The following PRIMPOL variants were observed in gnomAD, a reference collection of about 807,000 sequenced individuals.
PRIMPOL encodes primase and DNA directed polymerase, also known as DNA-directed primase/polymerase protein.
A neutral mutation model predicts 63.6 loss-of-function variants in PRIMPOL; 54 were observed. The observed-to-expected ratio is 0.85, with a 90% CI of 0.68 to 1.07. The LOEUF (loss-of-function observed/expected upper bound fraction) is 1.07, where lower values mean the gene tolerates loss of function less well. Among genes scored for constraint, PRIMPOL ranks in the 50% least tolerant of loss-of-function variants. The probability of loss-of-function intolerance (pLI) is 0.00; values close to 1 mark genes in which losing one functional copy is unlikely to be tolerated. For synonymous variants in PRIMPOL, 197 were observed against 220.2 expected (o/e 0.89, Z 0.93); for missense variants, 610 against 648.3 (o/e 0.94, Z 0.64).
intron 11 of PRIMPOL, among the ~76,000 whole-genome samples, chr4:184,690,435 A>C (rs539152365): frequency 3.3e-5 from 5 of 151,858 alleles, no homozygotes; most frequent in Non-Finnish European, 7.4e-5. Context: ...TCTCTTTATG[A>C]CTGCCTGCCT....
intron 6 of PRIMPOL, among the ~76,000 whole-genome samples, chr4:184,669,565 A>G (rs972189927): frequency 2.1e-4 from 32 of 152,248 alleles, no homozygotes; most frequent in African/African-American, 6.5e-4. Context: ...TCTCTTGCTC[A>G]GGAAGAAGGA....
chr4:184,665,770 G>T, intron 5 of PRIMPOL, 147 bp from the exon 6 acceptor site: 1 of 458,652 alleles, frequency 2.2e-6, no homozygotes, highest in Non-Finnish European at 3.7e-6. Context: ...CTCCCAAAGT[G>T]CTGGGATTAC....
rs184753574 is a variant in PRIMPOL at position 184,667,047 on chromosome 4, G to A, written c.556+983G>A. 2.7e-3 allele frequency among the ~76,000 whole-genome samples: 408 copies of A among 152,300 alleles called. 4 individuals are homozygous for A. Among genetic ancestry groups the A allele is most frequent in the African/African-American group, 8.4e-3 (351 of 41,566 alleles). On this transcript the variant is annotated intron_variant, in intron 6 of 13. Transcript: ENST00000314970. ...GGTAATTCAGTTCAGAGCTGCTAGC[G>A]TCTTAGAGTTTCACGGCCACCTAGA...
rs796303917 is a variant in PRIMPOL, at chr4:184,689,222, G to A, written c.1296-2277G>A. On this transcript the variant is annotated intron_variant, in intron 11 of 13. Transcript: ENST00000314970. The stretch of plus-strand genomic sequence containing the variant: ...TTTAGACTACAGGTGTGCCACCATG[G>A]CTGGTTAATTTTTAAATTTTTTGTA... 7.3e-5 allele frequency among the ~76,000 whole-genome samples: 11 copies of A among 150,362 alleles called. 1 individual carries two copies. The highest frequency in any genetic ancestry group is 2.5e-4 in the African/African-American group (10 of 39,908).
chr4:184,671,316 G>A (rs778777834), intron 6 of PRIMPOL, among the ~76,000 whole-genome samples: 24 of 152,162 alleles, frequency 1.6e-4, no homozygotes, highest in Admixed American at 9.8e-4. Flanking sequence ...AGGGCGTGTC[G>A]TGGCAGGTAA....
chr4:184,655,668 C>T (rs1225387349), intron 2 of PRIMPOL, among the ~76,000 whole-genome samples: 1 of 152,154 alleles, frequency 6.6e-6, no homozygotes, highest in Non-Finnish European at 1.5e-5. Context: ...CCAGGAAATA[C>T]TCATTTGCCA....
chr4:184,693,016 A>ACAT (rs747579664), intron 13 of PRIMPOL, among the ~76,000 whole-genome samples: 13 of 152,086 alleles, frequency 8.5e-5, no homozygotes, highest in Non-Finnish European at 1.6e-4. Flanking sequence ...GTTTTTTGTC[A>ACAT]CATCTGTCAG....
At chr4:184,672,145 G>T in intron 6 of PRIMPOL, 28 bp from the exon 7 acceptor site, 1 of 1,582,890 alleles carries the variant, frequency 6.3e-7, no homozygotes, top group Non-Finnish European at 8.6e-7. Flanking sequence ...AGAAGATCCA[G>T]GTGAATGATA....
chr4:184,684,438 A>G (rs1756479528), intron 9 of PRIMPOL, among the ~76,000 whole-genome samples: 1 of 59,714 alleles, frequency 1.7e-5, no homozygotes, highest in Admixed American at 2.0e-4. Flanking sequence ...CCTGGGCAAC[A>G]GAGCAAGACT....
chr4:184,659,243 C>A, intron 3 of PRIMPOL, 97 bp from the exon 4 acceptor site: 1 of 871,910 alleles, frequency 1.1e-6, no homozygotes, highest in Non-Finnish European at 1.9e-6. Flanking sequence ...TTTCTGAAAA[C>A]TTGAATGAAA....
At chr4:184,672,540 T>G in intron 7 of PRIMPOL, 80 bp downstream of exon 7, 2 of 1,388,228 alleles carry the variant, frequency 1.4e-6, no homozygotes, top group Non-Finnish European at 2.0e-6. Flanking sequence ...CTCGTCACCG[T>G]GCTCGGGATT....
At chr4:184,653,060 G>A (rs1478619704) in intron 2 of PRIMPOL, among the ~76,000 whole-genome samples, 1 of 117,208 alleles carries the variant, frequency 8.5e-6, no homozygotes, top group African/African-American at 3.2e-5. Flanking sequence ...GAAGGAAGAA[G>A]GGAAGGAAGG....
intron 11 of PRIMPOL, among the ~76,000 whole-genome samples, chr4:184,687,055 A>G (rs79643430): frequency 1.3e-5 from 2 of 152,130 alleles, no homozygotes; most frequent in Admixed American, 1.3e-4. Context: ...TCATACATAC[A>G]AAAGTATAGA....
chr4:184,685,653 A>T lies in PRIMPOL; in HGVS notation c.1264A>T (p.Ile422Phe). 6.3e-7 allele frequency: 1 copy of T among 1,597,134 alleles called. No individual in the cohort carries two copies. Among genetic ancestry groups the T allele is most frequent in the Non-Finnish European group, 8.6e-7 (1 of 1,164,820 alleles). ...TTGTAAATATCGGTGGTGTGAAAACATTGGAAGAGCCCATAAGAGTAATAA... is the reference window on the plus strand; with the variant it reads ...TTGTAAATATCGGTGGTGTGAAAACTTTGGAAGAGCCCATAAGAGTAATAA... The part of the protein sequence containing the change: ...DICKYRWCEN[I>F]GRAHKSNNIM... Residue 422 changes from isoleucine (I) to phenylalanine (F), a missense_variant, in exon 11 of 14, where the codon ATT (isoleucine) becomes TTT (phenylalanine). Ile to Phe is a conservative substitution (Grantham distance 21). This residue lies in a region of PRIMPOL where 444 missense variants were observed against 456.4 expected (regional missense o/e 0.97). Transcript: ENST00000314970.
rs759476461 is a variant in PRIMPOL, at chr4:184,657,256, C to A, written c.116C>A (p.Pro39His). The change falls in exon 3 of 14, where the codon CCC becomes CAC. Residue 39 changes from proline to histidine, a missense_variant. By Grantham distance (77) the Pro-to-His change is moderately conservative. Coordinates refer to ENST00000314970, the MANE Select transcript of PRIMPOL (RefSeq NM_152683.4). ...RPRLSKPEEPPSIWRLFHRQA... is the reference protein window; with the variant it reads ...RPRLSKPEEPHSIWRLFHRQA... ...AGATTGTCCAAGCCAGAAGAACCAC[C>A]CTCCATCTGGAGACTATTTCATCGA... 6.2e-7 allele frequency: 1 copy of A among 1,613,824 alleles called. No homozygotes were observed. Among genetic ancestry groups the A allele is most frequent in the South Asian group, 1.1e-5 (1 of 91,042 alleles).
At chr4:184,691,371 A>G in intron 11 of PRIMPOL, 128 bp from the exon 12 acceptor site, 1 of 637,232 alleles carries the variant, frequency 1.6e-6, no homozygotes, top group Non-Finnish European at 2.7e-6. Context: ...ATCTATCCTT[A>G]TCCTTTTACT....
In PRIMPOL at chr4:184,672,413, T is replaced by G. The variant is rs1752035062; in HGVS notation, c.797T>G (p.Leu266Arg). 5.0e-6 allele frequency: 8 copies of G among 1,612,586 alleles called. No individual in the cohort carries two copies. Among genetic ancestry groups the G allele is most frequent in the Non-Finnish European group, 6.8e-6 (8 of 1,179,686 alleles). ...AEQSSPDLSF[L>R]VVKNNMGEKH... ...CAAAGCAGTCCTGACCTTTCATTTC[T>G]AGTTGTGAAGAATAACATGGGAGAG... Residue 266 changes from leucine to arginine, a missense_variant, in exon 7 of 14, where the codon CTA becomes CGA. Leu to Arg is a moderately radical substitution (Grantham distance 102, BLOSUM62 -2). This residue lies in a region of PRIMPOL where 444 missense variants were observed against 456.4 expected (regional missense o/e 0.97). Transcript: ENST00000314970.
intron 11 of PRIMPOL, among the ~76,000 whole-genome samples, chr4:184,687,107 G>A (rs571774784): frequency 7.0e-4 from 107 of 152,108 alleles, no homozygotes; most frequent in African/African-American, 2.4e-3. Context: ...ATCTCACTCC[G>A]TTGCCCAGGC....
chr4:184,657,472 A>G (rs1220846425), intron 3 of PRIMPOL, 152 bp downstream of exon 3: 1 of 581,258 alleles, frequency 1.7e-6, no homozygotes, highest in Non-Finnish European at 2.9e-6. Context: ...TTTAATGGCA[A>G]TCTTAATGGC....
Sources: allele counts gnomAD v4.1 joint callset (sites outside exome capture counted in the v4.1 genomes callset), GRCh38; gene constraint gnomAD v4.1.1; regional missense constraint gnomAD v4.1.1; transcripts MANE v1.5; gene names NCBI Gene and HGNC (gene_info 2026-07-23, HGNC 2026-07-21).